The following HIVEP3 variants were observed in gnomAD, a reference collection of about 807,000 sequenced individuals.
The protein encoded by HIVEP3 is HIVEP zinc finger 3, also known as transcription factor HIVEP3.
A neutral mutation model predicts 152.8 loss-of-function variants in HIVEP3; 49 were observed. The observed-to-expected ratio is 0.32, with a 90% CI of 0.26 to 0.41. The LOEUF is 0.41. Ranked by LOEUF, HIVEP3 falls within the 10% of genes least tolerant of loss-of-function variation. HIVEP3 has a pLI of 1.00. For missense variants in HIVEP3, 2,790 were observed against 3,103.3 expected, an observed-to-expected ratio of 0.90 and a Z score of 2.40; for synonymous variants, 1,269 against 1,289.0, an observed-to-expected ratio of 0.98 and a Z score of 0.33.
Position 41,580,990 on chromosome 1 carries a change from T to A in HIVEP3, c.3808A>T (p.Thr1270Ser). ...CTGGGGGAGAGGCCAGCACTTCCTG[T>A]TGCCAGTGGGGCCAGGCTGGTTTTG... ...QIKTSLAPLA[T>S]GSAGLSPSTE... is the part of the protein sequence containing the mutation. The change falls in exon 4 of 9, where the codon ACA (threonine) becomes TCA (serine). Residue 1270 changes from threonine (T) to serine (S), a missense_variant. Thr to Ser is a moderately conservative substitution (Grantham distance 58, BLOSUM62 1). This residue lies in a region of HIVEP3 where 1,078 missense variants were observed against 1,165.3 expected (regional missense o/e 0.93). Coordinates refer to ENST00000372583, the MANE Select transcript of HIVEP3 (RefSeq NM_024503.5). 6.3e-7 allele frequency: 1 copy of A among 1,577,272 alleles called. No individual in the cohort carries two copies. The highest frequency in any genetic ancestry group is 8.6e-7 in the Non-Finnish European group (1 of 1,160,454).
chr1:41,598,742 C>T (rs1243096545), intron 3 of HIVEP3, among the ~76,000 whole-genome samples: 1 of 152,046 alleles, frequency 6.6e-6, no homozygotes, highest in Non-Finnish European at 1.5e-5. Flanking sequence ...CAAAGAGACA[C>T]AAGAAGATCA....
intron 2 of HIVEP3, among the ~76,000 whole-genome samples, chr1:41,654,586 AT>A (rs1195216472): frequency 5.9e-5 from 9 of 152,352 alleles, no homozygotes; most frequent in Non-Finnish European, 8.8e-5. Flanking sequence ...AACAAGGTAT[AT>A]TTGTCAGAAC....
chr1:41,598,847 A>G (rs1158167284), intron 3 of HIVEP3, among the ~76,000 whole-genome samples: 4 of 138,042 alleles, frequency 2.9e-5, no homozygotes, highest in East Asian at 6.0e-4. Flanking sequence ...ACAGGATCTC[A>G]TTCTGTTGCC....
chr1:41,807,751 A>C (rs1650720868), intron 1 of HIVEP3, among the ~76,000 whole-genome samples: 1 of 152,206 alleles, frequency 6.6e-6, no homozygotes, highest in South Asian at 2.1e-4. Context: ...AGGGCCAATT[A>C]ACCCCATCTG....
At chr1:42,016,822 G>C (rs1052065961) in intron 1 of HIVEP3, among the ~76,000 whole-genome samples, 1 of 152,004 alleles carries the variant, frequency 6.6e-6, no homozygotes, top group African/African-American at 2.4e-5. Context: ...TCTATTCATA[G>C]ACATTTAAAG....
chr1:41,713,290 C>G (rs1259744865), intron 1 of HIVEP3, among the ~76,000 whole-genome samples: 9 of 152,180 alleles, frequency 5.9e-5, no homozygotes, highest in African/African-American at 2.2e-4. Context: ...TGCTCTTTGT[C>G]CCTGAATAGG....
chr1:41,810,026 C>T (rs1056722253), intron 1 of HIVEP3, among the ~76,000 whole-genome samples: 2 of 152,146 alleles, frequency 1.3e-5, no homozygotes, highest in African/African-American at 4.8e-5. Context: ...CAAATTGCAG[C>T]CAGTCAAGTT....
intron 1 of HIVEP3, among the ~76,000 whole-genome samples, chr1:42,017,321 G>C (rs6683817): frequency 0.011 from 1,679 of 152,116 alleles, 31 homozygotes; most frequent in African/African-American, 0.039. Flanking sequence ...AAAATTTAAT[G>C]AAGTATAAGA....
chr1:41,526,322 C>A (rs1337864408), intron 5 of HIVEP3, among the ~76,000 whole-genome samples: 1 of 147,454 alleles, frequency 6.8e-6, no homozygotes, highest in East Asian at 2.1e-4. Context: ...CACGCTCACC[C>A]TCATACTAAA....
chr1:41,931,806 T>A (rs1056549370), intron 1 of HIVEP3, among the ~76,000 whole-genome samples: 1 of 152,034 alleles, frequency 6.6e-6, no homozygotes, highest in Non-Finnish European at 1.5e-5. Context: ...TGACTTTGTA[T>A]CTTGCAACCT....
At chr1:41,866,812 C>T (rs1192416415) in intron 1 of HIVEP3, among the ~76,000 whole-genome samples, 2 of 152,188 alleles carry the variant, frequency 1.3e-5, no homozygotes, top group African/African-American at 4.8e-5. Context: ...CAGGGAGCTC[C>T]TGGCATGCTA....
At chr1:41,956,577 T>C (rs776278555) in intron 1 of HIVEP3, among the ~76,000 whole-genome samples, 13 of 152,192 alleles carry the variant, frequency 8.5e-5, no homozygotes, top group Non-Finnish European at 1.5e-4. Context: ...AGTATTAGGA[T>C]TTATTGTCTT....
intron 1 of HIVEP3, among the ~76,000 whole-genome samples, chr1:42,012,659 C>T (rs1645500086): frequency 6.6e-6 from 1 of 151,754 alleles, no homozygotes; most frequent in African/African-American, 2.4e-5. Flanking sequence ...CGCTGCACTC[C>T]AGCCTGGGAG....
chr1:41,956,063 G>A (rs1205197161), intron 1 of HIVEP3, among the ~76,000 whole-genome samples: 2 of 152,196 alleles, frequency 1.3e-5, no homozygotes, highest in Non-Finnish European at 2.9e-5. Context: ...AATTCCCCAG[G>A]GAGTCATTAC....
intron 5 of HIVEP3, among the ~76,000 whole-genome samples, chr1:41,544,687 C>T (rs1266238251): frequency 1.9e-4 from 18 of 96,196 alleles, no homozygotes; most frequent in African/African-American, 7.3e-4. Flanking sequence ...ACCTCTACCA[C>T]CACTGCTACC....
In HIVEP3 at chr1:41,585,313, C is replaced by T. The variant is rs1418069742; in HGVS notation, c.-516G>A. 2 of 398,962 alleles carry T rather than the reference C, an allele frequency of 5.0e-6. No individual in the cohort carries two copies. Among genetic ancestry groups the T allele is most frequent in the Non-Finnish European group, 8.8e-6 (2 of 226,168 alleles). The allele number at this position is 398,962 out of a possible 1,614,324, so 24.7% of individuals were successfully genotyped here. A position where few individuals can be genotyped will look rare whatever the true frequency, so the allele number is the denominator to read the frequency against. ...ACGGCCTTGGAGGAGAAATCACGCT[C>T]TTCTTCTGTGTGATAGATGTACACA... On this transcript the variant is annotated 5_prime_UTR_variant, in exon 4 of 9. Transcript: ENST00000372583.
chr1:42,035,449 C>T (rs899516342), intron 1 of HIVEP3, among the ~76,000 whole-genome samples: 5 of 152,262 alleles, frequency 3.3e-5, no homozygotes, highest in Non-Finnish European at 7.3e-5. Context: ...TTCCCGGCCC[C>T]CGCTGTCGCG....
intron 2 of HIVEP3, among the ~76,000 whole-genome samples, chr1:41,670,935 T>C (rs1006325512): frequency 6.6e-6 from 1 of 151,662 alleles, no homozygotes; most frequent in Non-Finnish European, 1.5e-5. Context: ...CTTCCTGGAG[T>C]GTGGGGCCTG....
intron 3 of HIVEP3, among the ~76,000 whole-genome samples, chr1:41,605,701 A>G (rs1644813561): frequency 6.6e-6 from 1 of 152,068 alleles, no homozygotes; most frequent in South Asian, 2.1e-4. Context: ...AAGGATGAAC[A>G]GGATCTCACC....
Sources: gnomAD v4.1 joint callset for allele counts (sites outside exome capture counted in the v4.1 genomes callset) on GRCh38, gnomAD v4.1.1 for gene constraint, gnomAD v4.1.1 regional missense constraint, MANE v1.5 for transcripts, NCBI Gene and HGNC (gene_info 2026-07-23, HGNC 2026-07-21) for gene names.